SLC37A2: variants seen among roughly 807,000 people sequenced by gnomAD.
SLC37A2 encodes glucose-6-phosphate exchanger SLC37A2.
A neutral mutation model predicts 70.7 loss-of-function variants in SLC37A2; 59 were observed. The ratio of observed to expected loss-of-function variants is 0.83; its 90% confidence interval spans 0.68 to 1.04. The LOEUF is 1.04. Ranked by LOEUF, SLC37A2 falls within the 50% of genes least tolerant of loss-of-function variation. The pLI, the probability that SLC37A2 is intolerant of heterozygous loss-of-function variation, is 0.00. For missense variants in SLC37A2, 580 were observed against 658.1 expected (o/e 0.88, Z 1.30); for synonymous variants, 257 against 262.1 (o/e 0.98, Z 0.19).
intron 1 of SLC37A2, among the ~76,000 whole-genome samples, chr11:125,073,403 A>T (rs543469021): frequency 7.9e-5 from 12 of 152,336 alleles, no homozygotes; most frequent in African/African-American, 2.4e-4. Context: ...CTTCCAGGTA[A>T]ATCCAGGGCC....
rs1451927360 is a variant in SLC37A2 at position 125,063,723 on chromosome 11, AAC to A, written c.59+303_59+304del. ...TTTCCCGTTTCCATCCTCCCCTCCT[AAC>A]ACACATCCGGGGCGCCTTCAGAGCG... On this transcript the variant is annotated intron_variant, in intron 1 of 17. Transcript: ENST00000403796. The surrounding 1 kb of genome is among the most constrained non-coding windows in gnomAD (Gnocchi z 5.4). Among the ~76,000 whole-genome samples the A allele has an allele frequency of 9.9e-5, 15 of 152,032 alleles. No individual in the cohort carries two copies. Among genetic ancestry groups the A allele is most frequent in the Non-Finnish European group, 4.4e-5 (3 of 67,990 alleles).
intron 8 of SLC37A2, 88 bp from the exon 9 acceptor site, chr11:125,081,666 G>C: frequency 2.7e-6 from 4 of 1,485,508 alleles, no homozygotes; most frequent in Non-Finnish European, 3.6e-6. Context: ...CATCCTGGGA[G>C]CCAGTGTCTC....
chr11:125,079,571 T>G, intron 5 of SLC37A2, 113 bp from the exon 6 acceptor site: 1 of 770,632 alleles, frequency 1.3e-6, no homozygotes, highest in Non-Finnish European at 2.2e-6. Flanking sequence ...TAGTGTGGGG[T>G]ATGGAGGGCC....
intron 10 of SLC37A2, among the ~76,000 whole-genome samples, chr11:125,082,901 T>C (rs1300405049): frequency 1.3e-5 from 2 of 152,148 alleles, no homozygotes; most frequent in Non-Finnish European, 1.5e-5. Context: ...CAGGGATGTA[T>C]AGATGAGAAG....
Position 125,080,852 on chromosome 11 carries a change from A to ACTGGATCTG in SLC37A2, c.694+77_694+78insTCTGCTGGA, listed in dbSNP as rs1949139299. The stretch of plus-strand genomic sequence containing the variant: ...TTTCTGGGAGAAGGCAGCTGGATCT[A>ACTGGATCTG]CTGGAAAGATTGCTGGTCACAGAGT... On this transcript the variant is annotated intron_variant, in intron 7 of 17. Coordinates refer to ENST00000403796, the MANE Select transcript of SLC37A2 (RefSeq NM_001145290.2). This position sits in a 1 kb window ranked among gnomAD's most constrained non-coding sequence, Gnocchi z 4.3. The ACTGGATCTG allele has an allele frequency of 1.5e-6, 2 of 1,296,370 alleles. No homozygotes were observed. Among genetic ancestry groups the ACTGGATCTG allele is most frequent in the African/African-American group, 3.0e-5 (2 of 65,986 alleles). 80.3% of individuals were successfully genotyped at this position (1,296,370 alleles called of 1,614,324 possible).
rs547569339 is a variant in SLC37A2 at position 125,083,624 on chromosome 11, C to A, written c.977-191C>A. On this transcript the variant is annotated intron_variant, in intron 10 of 17. Transcript: ENST00000403796. This position sits in a 1 kb window ranked among gnomAD's most constrained non-coding sequence, Gnocchi z 4.6. The stretch of plus-strand genomic sequence containing the variant: ...GGGAAGAGGGCAACACAGGACGGGA[C>A]CAAGAGGGCGTCTATCCAAACTGCT... Among the ~76,000 whole-genome samples, 1 of 152,242 alleles carries A rather than the reference C, an allele frequency of 6.6e-6. No homozygotes were observed. Among genetic ancestry groups the A allele is most frequent in the East Asian group, 1.9e-4 (1 of 5,166 alleles).
In SLC37A2 at chr11:125,084,231, C is replaced by T. The variant is rs776517414; in HGVS notation, c.1040-3C>T. 1 of 1,614,176 alleles carries T rather than the reference C, an allele frequency of 6.2e-7. No homozygotes were observed. Among genetic ancestry groups the T allele is most frequent in the Admixed American group, 1.7e-5 (1 of 60,026 alleles). On this transcript the variant is annotated splice_region_variant and splice_polypyrimidine_tract_variant and intron_variant, in intron 11 of 17. Transcript: ENST00000403796. ...TCAGTGCGTGAGTGGCTGTGTGTTC[C>T]AGGCGGCATCGTGGCAGGGCTCGTC... is the stretch of plus-strand genomic sequence containing the variant.
At chr11:125,066,402 G>A (rs373495931) in intron 1 of SLC37A2, among the ~76,000 whole-genome samples, 27 of 152,306 alleles carry the variant, frequency 1.8e-4, no homozygotes, top group Admixed American at 4.6e-4. Context: ...AACACAGTAA[G>A]ATCCCATCTC....
At chr11:125,077,831 A>G (rs1949106283) in intron 4 of SLC37A2, among the ~76,000 whole-genome samples, 1 of 152,192 alleles carries the variant, frequency 6.6e-6, no homozygotes, top group Non-Finnish European at 1.5e-5. Context: ...GCGTGCACAT[A>G]TATCTGGGAG....
chr11:125,077,823 G>C (rs1453648835), intron 4 of SLC37A2, among the ~76,000 whole-genome samples: 1 of 152,180 alleles, frequency 6.6e-6, no homozygotes, highest in Non-Finnish European at 1.5e-5. Context: ...ATGGCCCTGC[G>C]TGCACATATA....
intron 1 of SLC37A2, among the ~76,000 whole-genome samples, chr11:125,076,355 C>G (rs1239806369): frequency 6.6e-6 from 1 of 152,142 alleles, no homozygotes; most frequent in Non-Finnish European, 1.5e-5. Context: ...TGTCTCCCTC[C>G]TACCCCCATC....
chr11:125,084,412 TTGA>T, intron 12 of SLC37A2, 93 bp downstream of exon 12: 1 of 1,268,590 alleles, frequency 7.9e-7, no homozygotes, highest in South Asian at 1.2e-5. Context: ...GTTACACACA[TTGA>T]TGTCGCTGTG....
At chr11:125,074,346 CA>C (rs976306135) in intron 1 of SLC37A2, among the ~76,000 whole-genome samples, 4 of 152,152 alleles carry the variant, frequency 2.6e-5, no homozygotes, top group Middle Eastern at 3.4e-3. Context: ...CCTGTGCGCC[CA>C]GGCAGGTGGA....
chr11:125,078,155 C>G (rs561683411), intron 4 of SLC37A2, among the ~76,000 whole-genome samples: 1 of 152,230 alleles, frequency 6.6e-6, no homozygotes, highest in African/African-American at 2.4e-5. Context: ...GAGACCTGGG[C>G]AGAAGGAATA....
Position 125,088,155 on chromosome 11 carries a change from C to G in SLC37A2, c.*21C>G. 6.4e-7 allele frequency: 1 copy of G among 1,551,682 alleles called. No individual in the cohort carries two copies. The highest frequency in any genetic ancestry group is 8.7e-7 in the Non-Finnish European group (1 of 1,146,996). On this transcript the variant is annotated 3_prime_UTR_variant, in exon 18 of 18. Transcript: ENST00000403796. Reference sequence around the variant, plus strand: ...TATGAGGCCCCAATTGGAACAGCAGCATGGAGGGTCCCAGTTGGGTCCCCA... The same window carrying G: ...TATGAGGCCCCAATTGGAACAGCAGGATGGAGGGTCCCAGTTGGGTCCCCA...
rs12280386 is a variant in SLC37A2, at chr11:125,073,714, C to G, written c.60-3043C>G. 2.1e-3 allele frequency among the ~76,000 whole-genome samples: 322 copies of G among 152,366 alleles called. 1 individual carries two copies. The highest frequency in any genetic ancestry group is 7.5e-3 in the African/African-American group (310 of 41,596). On this transcript the variant is annotated intron_variant, in intron 1 of 17. Transcript: ENST00000403796. ...GATTCCCAAGTCCTTGCTGTTTTCT[C>G]TTATAGACATCAACTCCCTGACATC...
At chr11:125,074,276 C>T (rs7935932) in intron 1 of SLC37A2, among the ~76,000 whole-genome samples, 7,875 of 151,862 alleles carry the variant, frequency 0.052, 405 homozygotes, top group African/African-American at 0.13. Flanking sequence ...CGGAGTCTCT[C>T]CTCTGTGTCA....
chr11:125,087,845 T>C (rs1949238484), intron 17 of SLC37A2: 6 of 328,936 alleles, frequency 1.8e-5, no homozygotes, highest in South Asian at 7.8e-5. Context: ...TTGGTCAGGC[T>C]GGTCTTGAAC....
chr11:125,082,505 G>A (rs1320883590), intron 10 of SLC37A2, among the ~76,000 whole-genome samples, 171 bp downstream of exon 10: 3 of 152,092 alleles, frequency 2.0e-5, no homozygotes, highest in Non-Finnish European at 4.4e-5. Flanking sequence ...TTAAATGAAA[G>A]CTAAACCCAG....
Sources: allele counts gnomAD v4.1 joint callset (sites outside exome capture counted in the v4.1 genomes callset), GRCh38; gene constraint gnomAD v4.1.1; non-coding constraint Gnocchi (gnomAD v3.1); transcripts MANE v1.5; gene names NCBI Gene and HGNC (gene_info 2026-07-23, HGNC 2026-07-21).